Variants in DPP6 observed in about 807,000 individuals in gnomAD.
DPP6 encodes the protein A-type potassium channel modulatory protein DPP6.
In DPP6, 69 loss-of-function variants were observed where a neutral mutation model predicts 122.6. The ratio of observed to expected loss-of-function variants is 0.56; its 90% CI spans 0.46 to 0.69. The LOEUF is 0.69. Among genes scored for constraint, DPP6 ranks in the 30% least tolerant of loss-of-function variants. The pLI is 0.00. For missense variants in DPP6, 928 were observed against 1,116.9 expected, an observed-to-expected ratio of 0.83 and a Z score of 2.41; for synonymous variants, 418 against 433.1, an observed-to-expected ratio of 0.97 and a Z score of 0.43.
At chr7:154,305,340 A>G (rs879044679) in intron 1 of DPP6, 3 of 211,830 alleles carry the variant, frequency 1.4e-5, no homozygotes, top group African/African-American at 4.7e-5. Flanking sequence ...TTGTCTACCC[A>G]CCCTCCCTCC....
In DPP6 at chr7:154,412,079, C is replaced by T. The variant is rs1159515605; in HGVS notation, c.244-34135C>T. Among the ~76,000 whole-genome samples the T allele has an allele frequency of 3.3e-5, 5 of 152,054 alleles. No individual in the cohort carries two copies. The East Asian group carries it at 7.8e-4, about 24-fold the overall frequency. ...TTCAATAGCACCTCCTTGTCAAGTC[C>T]TCGAATAGTGGAAGGGGTGAGAGAG... On this transcript the variant is annotated intron_variant, in intron 1 of 25. Transcript: ENST00000377770.
intron 7 of DPP6, among the ~76,000 whole-genome samples, chr7:154,712,769 A>G (rs1841264643): frequency 6.6e-6 from 1 of 152,228 alleles, no homozygotes; most frequent in African/African-American, 2.4e-5. Context: ...TGGGAGTTAT[A>G]GGAACTACAG....
chr7:153,947,443 T>C (rs1801998330), intron 1 of DPP6, among the ~76,000 whole-genome samples: 1 of 152,164 alleles, frequency 6.6e-6, no homozygotes, highest in Admixed American at 6.5e-5. Flanking sequence ...AAAATTTACC[T>C]CTATCTTCTT....
In DPP6 at chr7:154,578,291, G is replaced by A. The variant is rs1034998591; in HGVS notation, c.627+11375G>A. 4.3e-4 allele frequency among the ~76,000 whole-genome samples: 66 copies of A among 152,144 alleles called. No individual in the cohort carries two copies. The East Asian group carries it at 9.5e-3, about 22-fold the overall frequency. ...CACAGTAAGGCAACTCATCATTGCCGAGCCTGGCGACGCTCTCCATGCACA... is the reference window on the plus strand; with the variant it reads ...CACAGTAAGGCAACTCATCATTGCCAAGCCTGGCGACGCTCTCCATGCACA... On this transcript the variant is annotated intron_variant, in intron 5 of 25. Coordinates refer to ENST00000377770, the MANE Select transcript of DPP6 (RefSeq NM_130797.4).
At chr7:154,659,604 C>T (rs573466010) in intron 6 of DPP6, among the ~76,000 whole-genome samples, 1 of 152,314 alleles carries the variant, frequency 6.6e-6, no homozygotes, top group Non-Finnish European at 1.5e-5. Flanking sequence ...AGGAAACAAA[C>T]TTGGATCCAG....
At position 154,780,706 on chromosome 7, in the gene DPP6, A is replaced by C. The variant is rs535335020; in HGVS notation, c.1136+7764A>C. Among the ~76,000 whole-genome samples the C allele has an allele frequency of 2.0e-5, 3 of 152,310 alleles. No individual in the cohort carries two copies. In the East Asian group the frequency reaches 5.8e-4, roughly 29 times the overall value. On this transcript the variant is annotated intron_variant, in intron 10 of 25. Transcript: ENST00000377770. Reference sequence around the variant, plus strand: ...CACAAGTAGCAAATTCAGTACATGGATTTCATGGCATCTGCAGGAAAATGA... The same window carrying C: ...CACAAGTAGCAAATTCAGTACATGGCTTTCATGGCATCTGCAGGAAAATGA...
chr7:154,185,604 G>C (rs890498685), intron 1 of DPP6, among the ~76,000 whole-genome samples: 1 of 152,118 alleles, frequency 6.6e-6, no homozygotes, highest in Non-Finnish European at 1.5e-5. Flanking sequence ...TGCTAGGATT[G>C]TCATCCTGAT....
chr7:154,827,551 G>A (rs1800256310), intron 16 of DPP6, among the ~76,000 whole-genome samples: 1 of 152,026 alleles, frequency 6.6e-6, no homozygotes, highest in African/African-American at 2.4e-5. Flanking sequence ...CCTGTCGTGG[G>A]AAATCAGAGC....
the DPP6 span, among the ~76,000 whole-genome samples, chr7:153,831,982 G>A: frequency 1.1e-4 from 17 of 152,284 alleles, no homozygotes; most frequent in East Asian, 9.7e-4. Context: ...TGTCATGAGC[G>A]CCTCATAATA....
intron 1 of DPP6, among the ~76,000 whole-genome samples, chr7:154,063,676 C>A (rs10269944): frequency 9.4e-5 from 10 of 105,846 alleles, no homozygotes; most frequent in African/African-American, 3.6e-4. Flanking sequence ...GACCCCCATC[C>A]CAGCGGGGGG....
At position 154,588,359 on chromosome 7, in the gene DPP6, A is replaced by G. The variant is rs557675861; in HGVS notation, c.627+21443A>G. ...TCCCTCATGATTCCTCTGAGTGACA[A>G]TGTGATGTTGGCCGACTGTGTCTTC... On this transcript the variant is annotated intron_variant, in intron 5 of 25. Coordinates refer to ENST00000377770, the MANE Select transcript of DPP6 (RefSeq NM_130797.4). 15 of 473,544 alleles carry G rather than the reference A, an allele frequency of 3.2e-5. No homozygotes were observed. In the South Asian group the frequency reaches 3.2e-4, roughly 10 times the overall value. 29.3% of individuals were successfully genotyped at this position (473,544 alleles called of 1,614,324 possible). A position where few individuals can be genotyped will look rare whatever the true frequency, so the allele number is the denominator to read the frequency against.
chr7:154,082,014 G>C (rs1224262728), intron 1 of DPP6, among the ~76,000 whole-genome samples: 1 of 152,082 alleles, frequency 6.6e-6, no homozygotes, highest in Non-Finnish European at 1.5e-5. Flanking sequence ...CAAAACATCA[G>C]AGACTGCCTT....
At chr7:154,349,149 T>TTTG (rs565147500) in intron 1 of DPP6, among the ~76,000 whole-genome samples, 5 of 152,090 alleles carry the variant, frequency 3.3e-5, no homozygotes, top group East Asian at 1.9e-4. Context: ...ATAGTTAATT[T>TTTG]TTGTTGTTGT....
At chr7:154,104,153 C>T (rs904568816) in intron 1 of DPP6, among the ~76,000 whole-genome samples, 18 of 152,250 alleles carry the variant, frequency 1.2e-4, no homozygotes, top group East Asian at 1.9e-4. Flanking sequence ...CGTGGCCTCA[C>T]GGAACCCACG....
chr7:153,939,542 A>G (rs955048055), intron 1 of DPP6, among the ~76,000 whole-genome samples: 11 of 152,160 alleles, frequency 7.2e-5, no homozygotes, highest in Non-Finnish European at 2.9e-5. Context: ...AGGAGTCTGA[A>G]AAAAAAGGAC....
At chr7:153,862,515 A>G in the DPP6 span, among the ~76,000 whole-genome samples, 1 of 152,078 alleles carries the variant, frequency 6.6e-6, no homozygotes, top group African/African-American at 2.4e-5. Flanking sequence ...GCCTCAGCCA[A>G]CTCTCATCTA....
chr7:154,527,594 G>T (rs1827507235), intron 3 of DPP6, among the ~76,000 whole-genome samples: 1 of 152,082 alleles, frequency 6.6e-6, no homozygotes, highest in Admixed American at 6.6e-5. Context: ...ACTAAAAGAA[G>T]ATGATAGGAG....
rs1044241725 is a variant in DPP6, at chr7:154,824,445, A to G, written c.1666+17333A>G. On this transcript the variant is annotated intron_variant, in intron 16 of 25. Coordinates refer to ENST00000377770, the MANE Select transcript of DPP6 (RefSeq NM_130797.4). ...CAGGCATGTGCCACCACACCCAGCT[A>G]ATTTTGTATTTTTAGTAGAGACAGG... is the stretch of plus-strand genomic sequence containing the variant. 1.0e-3 allele frequency among the ~76,000 whole-genome samples: 159 copies of G among 152,100 alleles called. 4 individuals are homozygous for G. Among genetic ancestry groups the G allele is most frequent in the Non-Finnish European group, 9.6e-4 (65 of 68,024 alleles).
At chr7:153,948,759 C>G (rs865978056) in intron 1 of DPP6, among the ~76,000 whole-genome samples, 1 of 148,294 alleles carries the variant, frequency 6.7e-6, no homozygotes, top group African/African-American at 2.5e-5. Flanking sequence ...ACACCCTCCC[C>G]GAGAACAGTA....
Sources: gnomAD v4.1 joint callset for allele counts (sites outside exome capture counted in the v4.1 genomes callset) on GRCh38, gnomAD v4.1.1 for gene constraint, MANE v1.5 for transcripts, NCBI Gene and HGNC (gene_info 2026-07-23, HGNC 2026-07-21) for gene names.